Variants in CHAT observed in about 807,000 individuals in gnomAD.
CHAT encodes choline O-acetyltransferase.
In CHAT, 61 loss-of-function variants were observed where a neutral mutation model predicts 76.9. The ratio of observed to expected loss-of-function variants is 0.79; its 90% confidence interval spans 0.65 to 0.98. The LOEUF is 0.98. Among genes scored for constraint, CHAT ranks in the 50% least tolerant of loss-of-function variants. The probability of loss-of-function intolerance (pLI) is 0.00; values close to 1 mark genes in which losing one functional copy is unlikely to be tolerated. For synonymous variants in CHAT, 407 were observed against 397.4 expected, an observed-to-expected ratio of 1.02 and a Z score of -0.29; for missense variants, 946 against 986.9, an observed-to-expected ratio of 0.96 and a Z score of 0.56.
At chr10:49,639,574 GGT>G (rs138303214) in intron 7 of CHAT, among the ~76,000 whole-genome samples, 3 of 147,188 alleles carry the variant, frequency 2.0e-5, no homozygotes, top group African/African-American at 7.5e-5. Context: ...CACACATATG[GGT>G]GTGTGTGTCT....
chr10:49,662,565 C>T, intron 13 of CHAT, 80 bp from the exon 14 acceptor site: 1 of 1,574,170 alleles, frequency 6.4e-7, no homozygotes, highest in Non-Finnish European at 8.7e-7. Flanking sequence ...CACCAGCAGT[C>T]CTGTAGACTA....
chr10:49,612,682 C>T, upstream of CHAT: 1 of 290,522 alleles, frequency 3.4e-6, no homozygotes. Context: ...TGCACCGCGG[C>T]GCCTCCGCCC....
chr10:49,612,170 G>C, upstream of CHAT: 2 of 1,610,486 alleles, frequency 1.2e-6, no homozygotes, highest in Non-Finnish European at 1.7e-6. Context: ...CTCCTGACGC[G>C]CTCCCGTTCC....
chr10:49,622,790 GCA>G (rs1163183368), intron 5 of CHAT, among the ~76,000 whole-genome samples: 3 of 152,216 alleles, frequency 2.0e-5, no homozygotes, highest in Non-Finnish European at 4.4e-5. Context: ...AGCATCCCTT[GCA>G]CAGATGAGGA....
At chr10:49,622,208 C>T (rs1161341464) in intron 5 of CHAT, 58 bp downstream of exon 5, 3 of 1,548,584 alleles carry the variant, frequency 1.9e-6, no homozygotes, top group Non-Finnish European at 8.9e-7. Flanking sequence ...GTCTATCTCC[C>T]TTGCAGGGAC....
chr10:49,661,160 G>A (rs560063211), intron 13 of CHAT: 56 of 152,266 alleles, frequency 3.7e-4, no homozygotes, highest in African/African-American at 1.3e-3. Flanking sequence ...TTCCCTAAAT[G>A]AATGAATGAA....
At chr10:49,659,595 C>T (rs1051541272) in intron 13 of CHAT, among the ~76,000 whole-genome samples, 2 of 152,176 alleles carry the variant, frequency 1.3e-5, no homozygotes, top group East Asian at 1.9e-4. Flanking sequence ...GGCACAGTGG[C>T]TCATGCCTGT....
intron 7 of CHAT, among the ~76,000 whole-genome samples, chr10:49,642,767 T>A (rs979028692): frequency 2.0e-5 from 3 of 152,362 alleles, no homozygotes; most frequent in African/African-American, 7.2e-5. Context: ...GCCAGGGCTC[T>A]CAGAGTTCAC....
At chr10:49,655,513 G>A in intron 13 of CHAT, 65 bp downstream of exon 13, 1 of 1,507,248 alleles carries the variant, frequency 6.6e-7, no homozygotes, top group South Asian at 1.1e-5. Context: ...GCCAGAATGG[G>A]CACCACGGCA....
intron 13 of CHAT, among the ~76,000 whole-genome samples, chr10:49,657,496 A>G (rs1840070162): frequency 6.6e-6 from 1 of 152,096 alleles, no homozygotes; most frequent in East Asian, 1.9e-4. Flanking sequence ...CTACCACCCC[A>G]GGCAGCCAGG....
chr10:49,649,382 C>T (rs1839789281), intron 9 of CHAT, 126 bp from the exon 10 acceptor site: 11 of 1,389,650 alleles, frequency 7.9e-6, no homozygotes, highest in Non-Finnish European at 1.1e-5. Context: ...TCAGGGGCAG[C>T]TCGTACCCCC....
chr10:49,619,682 C>T (rs759397170), intron 2 of CHAT, 43 bp from the exon 3 acceptor site: 49 of 1,584,820 alleles, frequency 3.1e-5, no homozygotes, highest in African/African-American at 2.7e-4. Flanking sequence ...AGGCATGGGG[C>T]GCACATACTA....
chr10:49,632,406 C>T (rs1839156626), intron 7 of CHAT, among the ~76,000 whole-genome samples: 1 of 152,136 alleles, frequency 6.6e-6, no homozygotes, highest in South Asian at 2.1e-4. Context: ...CAGCAGTATC[C>T]TGATTAACTC....
At chr10:49,653,986 G>A (rs554886097) in intron 11 of CHAT, among the ~76,000 whole-genome samples, 26 of 152,360 alleles carry the variant, frequency 1.7e-4, no homozygotes, top group African/African-American at 5.0e-4. Flanking sequence ...TGGGTTCATC[G>A]AATGGCCAAA....
intron 3 of CHAT, 82 bp downstream of exon 3, chr10:49,619,998 A>G (rs961794912): frequency 2.1e-5 from 30 of 1,403,266 alleles, no homozygotes; most frequent in Middle Eastern, 1.8e-4. Flanking sequence ...AGAGGCAGGT[A>G]GGGGACAAAG....
intron 6 of CHAT, among the ~76,000 whole-genome samples, chr10:49,626,025 C>G (rs571857091): frequency 2.6e-5 from 4 of 152,368 alleles, no homozygotes; most frequent in Non-Finnish European, 4.4e-5. Flanking sequence ...TAGGACCTTT[C>G]ATGTGTCAGC....
intron 7 of CHAT, among the ~76,000 whole-genome samples, chr10:49,638,505 T>C (rs1839368090): frequency 6.6e-6 from 1 of 152,238 alleles, no homozygotes; most frequent in African/African-American, 2.4e-5. Context: ...TCAATTATTG[T>C]TCTCTTTCTC....
At chr10:49,629,384 G>GGGT (rs1839036329) in intron 7 of CHAT, among the ~76,000 whole-genome samples, 1 of 152,210 alleles carries the variant, frequency 6.6e-6, no homozygotes, top group African/African-American at 2.4e-5. Context: ...AGCCAAAGAG[G>GGGT]GGTGTGAGAG....
chr10:49,662,686 G>C lies in CHAT; in HGVS notation c.1881G>C (p.Leu627=), dbSNP rs760324497. 6.2e-7 allele frequency: 1 copy of C among 1,614,226 alleles called. No individual in the cohort carries two copies. Among genetic ancestry groups the C allele is most frequent in the Non-Finnish European group, 8.5e-7 (1 of 1,180,042 alleles). The change falls in exon 14 of 15, where the codon CTG becomes CTC. Residue 627 remains leucine (L), a synonymous_variant. Coordinates refer to ENST00000337653, the MANE Select transcript of CHAT (RefSeq NM_020549.5). Reference sequence around the variant, plus strand: ...CCATTGACAACCACCTGCTGGCACTGCGGGAGCTGGCCCGGGCCATGTGCA... The same window carrying C: ...CCATTGACAACCACCTGCTGGCACTCCGGGAGCTGGCCCGGGCCATGTGCA... ...GMAIDNHLLA[L]RELARAMCKE...
Sources: allele counts gnomAD v4.1 joint callset (sites outside exome capture counted in the v4.1 genomes callset), GRCh38; gene constraint gnomAD v4.1.1; transcripts MANE v1.5; gene names NCBI Gene and HGNC (gene_info 2026-07-23, HGNC 2026-07-21).